Variants in LSM4 observed in about 807,000 individuals in gnomAD.
LSM4 encodes the protein U6 snRNA-associated Sm-like protein LSm4.
Under a neutral mutation model 22.3 loss-of-function variants are expected in LSM4, and 15 were observed. The ratio of observed to expected loss-of-function variants is 0.67; its 90% CI spans 0.45 to 1.03. LSM4 has a LOEUF of 1.03. LSM4 is among the 50% of genes least tolerant of loss of function. The probability of loss-of-function intolerance (pLI) is 0.00; values close to 1 mark genes in which losing one functional copy is unlikely to be tolerated. For missense variants in LSM4, 127 were observed against 198.0 expected (o/e 0.64, Z 2.15); for synonymous variants, 90 against 79.8 (o/e 1.13, Z -0.68).
chr19:18,316,890 C>G (rs1341111702), intron 1 of LSM4, among the ~76,000 whole-genome samples: 2 of 152,144 alleles, frequency 1.3e-5, no homozygotes, highest in Non-Finnish European at 2.9e-5. Context: ...ATGCAGGGGT[C>G]AATCCCATCA....
intron 4 of LSM4, among the ~76,000 whole-genome samples, chr19:18,308,657 C>T (rs540342053): frequency 1.2e-4 from 18 of 152,306 alleles, no homozygotes; most frequent in South Asian, 2.1e-4. Flanking sequence ...ACTGGAATCA[C>T]GGTCTACTCT....
At chr19:18,312,888 T>A (rs1372179686) in intron 2 of LSM4, among the ~76,000 whole-genome samples, 186 bp from the exon 3 acceptor site, 1 of 152,184 alleles carries the variant, frequency 6.6e-6, no homozygotes, top group African/African-American at 2.4e-5. Context: ...TCGCTGGCAG[T>A]TAGACAGTCT....
intron 3 of LSM4, 77 bp downstream of exon 3, chr19:18,312,527 T>C: frequency 8.0e-7 from 1 of 1,252,702 alleles, no homozygotes; most frequent in East Asian, 2.3e-5. Flanking sequence ...ACTCCTCCCA[T>C]GAGGCCCAGG....
At chr19:18,308,731 G>A (rs1970261259) in intron 4 of LSM4, among the ~76,000 whole-genome samples, 1 of 152,168 alleles carries the variant, frequency 6.6e-6, no homozygotes, top group Non-Finnish European at 1.5e-5. Context: ...AGAGGTCAGG[G>A]CTCTCACCAG....
intron 1 of LSM4, among the ~76,000 whole-genome samples, chr19:18,317,866 T>C (rs1430110419): frequency 1.3e-5 from 2 of 152,182 alleles, no homozygotes; most frequent in Non-Finnish European, 2.9e-5. Context: ...TGAATTTCTT[T>C]ATTATGTCAA....
At chr19:18,312,534 CAGGG>C (rs1236713697) in intron 3 of LSM4, 66 bp downstream of exon 3, 80 of 1,318,316 alleles carry the variant, frequency 6.1e-5, no homozygotes, top group Middle Eastern at 1.8e-4. Context: ...CCATGAGGCC[CAGGG>C]AGGGAGGGAG....
In LSM4 at chr19:18,307,439, C is replaced by A. The variant is rs369501194; in HGVS notation, c.*25G>T. On this transcript the variant is annotated 3_prime_UTR_variant, in exon 5 of 5. Coordinates refer to ENST00000593829, the MANE Select transcript of LSM4 (RefSeq NM_012321.5). ...GAATCGCCACCCTGGCAGGAGGGGG[C>A]GCAGCAGCCGGTCTGGGTGGGCGCT... is the stretch of plus-strand genomic sequence containing the variant. The A allele has an allele frequency of 3.4e-5, 50 of 1,490,314 alleles. No individual in the cohort carries two copies. The highest frequency in any genetic ancestry group is 1.4e-4 in the Admixed American group (6 of 44,144). 92.3% of individuals were successfully genotyped at this position (1,490,314 alleles called of 1,614,324 possible). A position where few individuals can be genotyped will look rare whatever the true frequency, so the allele number is the denominator to read the frequency against.
At chr19:18,311,349 T>A (rs891934466) in intron 3 of LSM4, among the ~76,000 whole-genome samples, 3 of 152,052 alleles carry the variant, frequency 2.0e-5, no homozygotes, top group Non-Finnish European at 4.4e-5. Context: ...TGAGTTCCCA[T>A]CGCCTCTCCT....
At chr19:18,319,877 A>ATGTCC (rs1970406188) in intron 1 of LSM4, among the ~76,000 whole-genome samples, 1 of 152,188 alleles carries the variant, frequency 6.6e-6, no homozygotes, top group East Asian at 1.9e-4. Flanking sequence ...CTAGACTGGA[A>ATGTCC]CACTCAAAGT....
intron 1 of LSM4, among the ~76,000 whole-genome samples, chr19:18,321,812 C>T (rs776571561): frequency 1.1e-4 from 17 of 152,162 alleles, no homozygotes; most frequent in Non-Finnish European, 2.2e-4. Flanking sequence ...CACCCAGGAA[C>T]AGAAGACAGC....
In LSM4 at chr19:18,321,017, G is replaced by A. The variant is rs569639866; in HGVS notation, c.3+2001C>T. On this transcript the variant is annotated intron_variant, in intron 1 of 4. Transcript: ENST00000593829. ...AAGCTGTCCAGGACTGCCCATCCCC[G>A]CTGCTAACCTAGGCCACTCCTTCTG... Among the ~76,000 whole-genome samples the A allele has an allele frequency of 4.9e-4, 75 of 152,248 alleles. 1 individual carries two copies. The highest frequency in any genetic ancestry group is 1.7e-3 in the African/African-American group (72 of 41,542).
chr19:18,319,265 A>C (rs1970395957), intron 1 of LSM4, among the ~76,000 whole-genome samples: 2 of 145,146 alleles, frequency 1.4e-5, no homozygotes, highest in Admixed American at 1.4e-4. Context: ...ACAAAAAAAC[A>C]AAACAAAAGA....
intron 4 of LSM4, among the ~76,000 whole-genome samples, chr19:18,307,774 C>T (rs191558925): frequency 1.2e-3 from 112 of 94,872 alleles, no homozygotes; most frequent in African/African-American, 4.6e-3. Flanking sequence ...CTAGACCCAG[C>T]CCCCAGGGAT....
rs1436422514 is a variant in LSM4 at position 18,323,028 on chromosome 19, G to A, written c.-8C>T. 1 of 1,558,330 alleles carries A rather than the reference G, an allele frequency of 6.4e-7. No homozygotes were observed. The highest frequency in any genetic ancestry group is 1.2e-5 in the South Asian group (1 of 85,920). On this transcript the variant is annotated 5_prime_UTR_variant, in exon 1 of 5. Transcript: ENST00000593829. ...TTGCCCTGCCCTCACCATGGTGCCG[G>A]CGGGGACCGGGCTCGCCGGCCACTT...
intron 4 of LSM4, chr19:18,309,419 C>T (rs1970271521): frequency 1.1e-5 from 6 of 530,822 alleles, no homozygotes; most frequent in Non-Finnish European, 9.9e-6. Context: ...ACCATACCCT[C>T]TCAGAGGGGA....
Position 18,323,007 on chromosome 19 carries a change from C to T in LSM4, c.3+11G>A, listed in dbSNP as rs377230403. 4.8e-5 allele frequency: 76 copies of T among 1,584,380 alleles called. No homozygotes were observed. In the African/African-American group the frequency reaches 7.2e-4, roughly 15 times the overall value. ...CCTCCCGGTGAGACCCCGCAGTTGC[C>T]CTGCCCTCACCATGGTGCCGGCGGG... is the stretch of plus-strand genomic sequence containing the variant. On this transcript the variant is annotated intron_variant, in intron 1 of 4. Coordinates refer to ENST00000593829, the MANE Select transcript of LSM4 (RefSeq NM_012321.5).
In LSM4 at chr19:18,318,863, A is replaced by G. The variant is rs74845873; in HGVS notation, c.4-2798T>C. ...CCACCACCTGGTCTCAGCGACCAAT[A>G]GCACAGCCTGGGAGGACCCACGGCC... On this transcript the variant is annotated intron_variant, in intron 1 of 4. Coordinates refer to ENST00000593829, the MANE Select transcript of LSM4 (RefSeq NM_012321.5). 2.9e-4 allele frequency among the ~76,000 whole-genome samples: 44 copies of G among 152,376 alleles called. No individual in the cohort carries two copies. The East Asian group carries it at 7.7e-3, about 27-fold the overall frequency.
rs568649901 is a variant in LSM4 at position 18,317,458 on chromosome 19, G to A, written c.4-1393C>T. Among the ~76,000 whole-genome samples, 50 of 151,164 alleles carry A rather than the reference G, an allele frequency of 3.3e-4. 1 individual carries two copies. Among genetic ancestry groups the A allele is most frequent in the African/African-American group, 9.5e-4 (39 of 41,112 alleles). ...TGCCATTCTCCTGCCTCAGCCTCCCGAGTAGCTGGGACTACAGGCGCCCAC... is the reference window on the plus strand; with the variant it reads ...TGCCATTCTCCTGCCTCAGCCTCCCAAGTAGCTGGGACTACAGGCGCCCAC... On this transcript the variant is annotated intron_variant, in intron 1 of 4. Transcript: ENST00000593829.
At chr19:18,314,690 T>C (rs1970335691) in intron 2 of LSM4, among the ~76,000 whole-genome samples, 1 of 151,970 alleles carries the variant, frequency 6.6e-6, no homozygotes, top group Non-Finnish European at 1.5e-5. Context: ...ATATCCGGAA[T>C]AGGCAACCCC....
Sources: gnomAD v4.1 joint callset for allele counts (sites outside exome capture counted in the v4.1 genomes callset) on GRCh38, gnomAD v4.1.1 for gene constraint, MANE v1.5 for transcripts, NCBI Gene and HGNC (gene_info 2026-07-23, HGNC 2026-07-21) for gene names.